RALYL: variants seen among roughly 807,000 people sequenced by gnomAD.
The protein encoded by RALYL is RALY RNA binding protein like.
RALYL carries 29 observed loss-of-function variants against 35.1 expected under a neutral mutation model. The ratio of observed to expected loss-of-function variants is 0.83; its 90% CI spans 0.61 to 1.13. The LOEUF is 1.13. Ranked by LOEUF, RALYL falls within the 50% of genes most tolerant of loss-of-function variation. The probability of loss-of-function intolerance (pLI) is 0.00; values close to 1 mark genes in which losing one functional copy is unlikely to be tolerated. For missense variants in RALYL, 359 were observed against 360.4 expected (o/e 1.00, Z 0.03); for synonymous variants, 120 against 127.6 (o/e 0.94, Z 0.40).
intron 3 of RALYL, among the ~76,000 whole-genome samples, chr8:84,786,340 A>G (rs1474245137): frequency 3.3e-5 from 5 of 152,188 alleles, no homozygotes; most frequent in African/African-American, 9.7e-5. Flanking sequence ...TTGGGTATAT[A>G]CCTAGTAATG....
intron 1 of RALYL, among the ~76,000 whole-genome samples, chr8:84,205,543 G>A (rs1817863171): frequency 6.6e-6 from 1 of 152,160 alleles, no homozygotes; most frequent in Non-Finnish European, 1.5e-5. Flanking sequence ...TTACTCGGAA[G>A]TTTTATCTTT....
chr8:84,229,889 T>C (rs1311247419), intron 1 of RALYL, among the ~76,000 whole-genome samples: 1 of 152,200 alleles, frequency 6.6e-6, no homozygotes, highest in Non-Finnish European at 1.5e-5. Flanking sequence ...ATGATAAATC[T>C]GATTTTGAAA....
intron 8 of RALYL, among the ~76,000 whole-genome samples, chr8:84,902,256 G>A (rs1845816680): frequency 6.6e-6 from 1 of 152,082 alleles, no homozygotes; most frequent in Non-Finnish European, 1.5e-5. Context: ...GAGTAGGCAG[G>A]TCACATGACC....
intron 5 of RALYL, among the ~76,000 whole-genome samples, chr8:84,851,084 C>A (rs1482341618): frequency 6.6e-6 from 1 of 152,092 alleles, no homozygotes; most frequent in Non-Finnish European, 1.5e-5. Context: ...CTCTTCGATT[C>A]TTTGCTGCAT....
chr8:84,313,807 C>T lies in RALYL; in HGVS notation c.-24+129383C>T, dbSNP rs1295562689. ...AAGTCTCTAGAAAGTTCCAAATTTT[C>T]CCTCATTTTTCTATCTTCTTCTGAT... is the stretch of plus-strand genomic sequence containing the variant. On this transcript the variant is annotated intron_variant, in intron 1 of 8. Coordinates refer to ENST00000521268, the MANE Select transcript of RALYL (RefSeq NM_173848.7). Among the ~76,000 whole-genome samples, 2 of 152,274 alleles carry T rather than the reference C, an allele frequency of 1.3e-5. 1 individual carries two copies. The highest frequency in any genetic ancestry group is 1.3e-4 in the Admixed American group (2 of 15,288).
chr8:84,423,123 T>C (rs1280083397), intron 1 of RALYL, among the ~76,000 whole-genome samples: 1 of 150,648 alleles, frequency 6.6e-6, no homozygotes, highest in Middle Eastern at 3.2e-3. Flanking sequence ...TCTGTCTCGT[T>C]GATCTGTCTA....
At chr8:84,845,736 G>A (rs1164055576) in intron 4 of RALYL, among the ~76,000 whole-genome samples, 4 of 151,820 alleles carry the variant, frequency 2.6e-5, no homozygotes, top group South Asian at 2.1e-4. Flanking sequence ...ATATCAAAAA[G>A]GGGATTTCCT....
intron 1 of RALYL, among the ~76,000 whole-genome samples, chr8:84,328,056 A>C (rs1194932162): frequency 6.6e-6 from 1 of 152,202 alleles, no homozygotes; most frequent in Non-Finnish European, 1.5e-5. Context: ...TATTTTAATT[A>C]GTTTTTGAGG....
intron 2 of RALYL, among the ~76,000 whole-genome samples, chr8:84,748,934 A>G (rs1336452041): frequency 1.3e-5 from 2 of 152,094 alleles, no homozygotes; most frequent in Non-Finnish European, 2.9e-5. Flanking sequence ...CTTGGCAACT[A>G]AAGTTCCCCT....
At chr8:84,621,634 C>T (rs1173092507) in intron 2 of RALYL, among the ~76,000 whole-genome samples, 1 of 152,178 alleles carries the variant, frequency 6.6e-6, no homozygotes, top group Non-Finnish European at 1.5e-5. Context: ...GACTATAGAA[C>T]TTTCATACAG....
At chr8:84,382,444 T>A (rs1363445204) in intron 1 of RALYL, among the ~76,000 whole-genome samples, 3 of 151,736 alleles carry the variant, frequency 2.0e-5, no homozygotes. Flanking sequence ...TGACTTGGAT[T>A]ATCAAACATT....
intron 2 of RALYL, among the ~76,000 whole-genome samples, chr8:84,696,370 G>A (rs372084915): frequency 3.3e-5 from 5 of 151,690 alleles, no homozygotes; most frequent in East Asian, 1.9e-4. Context: ...TTTCCTCATC[G>A]AATCAAGATT....
chr8:84,821,591 C>A (rs960870969), intron 4 of RALYL, among the ~76,000 whole-genome samples: 1 of 152,156 alleles, frequency 6.6e-6, no homozygotes, highest in Non-Finnish European at 1.5e-5. Context: ...CCTCACTTCC[C>A]AATCACATTC....
chr8:84,797,210 A>G (rs943021341), intron 3 of RALYL, among the ~76,000 whole-genome samples: 9 of 152,226 alleles, frequency 5.9e-5, no homozygotes, highest in African/African-American at 2.2e-4. Context: ...AAGCAGATCA[A>G]ATCCACATCT....
At chr8:84,209,398 C>T (rs532954913) in intron 1 of RALYL, among the ~76,000 whole-genome samples, 2 of 152,096 alleles carry the variant, frequency 1.3e-5, no homozygotes, top group Non-Finnish European at 2.9e-5. Flanking sequence ...TCAGACATAT[C>T]TAGACTCAGA....
intron 1 of RALYL, among the ~76,000 whole-genome samples, chr8:84,520,944 C>G (rs887316556): frequency 6.6e-6 from 1 of 152,160 alleles, no homozygotes; most frequent in Non-Finnish European, 1.5e-5. Flanking sequence ...GCAACAATCA[C>G]ATTGCCTCTT....
intron 2 of RALYL, among the ~76,000 whole-genome samples, chr8:84,599,913 GTGTT>G (rs1051307216): frequency 3.4e-5 from 5 of 148,802 alleles, no homozygotes; most frequent in African/African-American, 1.2e-4. Context: ...TTAGCAGGAG[GTGTT>G]TTTTTTTTTT....
At chr8:84,872,371 T>A (rs557675346) in intron 6 of RALYL, 1 of 152,312 alleles carries the variant, frequency 6.6e-6, no homozygotes, top group East Asian at 1.9e-4. Flanking sequence ...GTTGATAAAA[T>A]TGAAATGGTT....
chr8:84,343,274 C>A (rs1001632337), intron 1 of RALYL, among the ~76,000 whole-genome samples: 1 of 152,062 alleles, frequency 6.6e-6, no homozygotes, highest in Non-Finnish European at 1.5e-5. Flanking sequence ...ATTCATGGGA[C>A]TTTTGCAGAC....
Sources: gnomAD v4.1 joint callset for allele counts (sites outside exome capture counted in the v4.1 genomes callset) on GRCh38, gnomAD v4.1.1 for gene constraint, MANE v1.5 for transcripts, NCBI Gene and HGNC (gene_info 2026-07-23, HGNC 2026-07-21) for gene names.